Variants in PCNT observed in about 807,000 individuals in gnomAD.
PCNT encodes the protein kendrin.
A neutral mutation model predicts 380.4 loss-of-function variants in PCNT; 319 were observed. The observed-to-expected ratio is 0.84, with a 90% CI of 0.77 to 0.92. PCNT has a LOEUF of 0.92. Among genes scored for constraint, PCNT ranks in the 40% least tolerant of loss-of-function variants. The probability of loss-of-function intolerance (pLI) is 0.00; values close to 1 mark genes in which losing one functional copy is unlikely to be tolerated. For missense variants in PCNT, 4,400 were observed against 4,255.3 expected (o/e 1.03, Z -0.95); for synonymous variants, 1,845 against 1,735.2 (o/e 1.06, Z -1.57).
At chr21:46,436,274 C>T (rs187157605) in intron 39 of PCNT, 126 bp downstream of exon 39, 3 of 1,104,228 alleles carry the variant, frequency 2.7e-6, no homozygotes, top group East Asian at 2.6e-5. Context: ...CGCTCTAGTC[C>T]TCTTTCTGAG....
intron 15 of PCNT, among the ~76,000 whole-genome samples, chr21:46,380,145 A>ATTTT (rs552854585): frequency 2.2e-4 from 13 of 59,714 alleles, no homozygotes; most frequent in South Asian, 7.9e-4. Flanking sequence ...CCTGGGGTAG[A>ATTTT]TTTTTTTTTT....
intron 10 of PCNT, among the ~76,000 whole-genome samples, chr21:46,353,718 GT>G (rs2084362823): frequency 7.5e-5 from 5 of 67,000 alleles, no homozygotes; most frequent in South Asian, 5.2e-4. Context: ...TCCTCCAGGT[GT>G]GTGTGTGTGT....
At chr21:46,338,931 C>G (rs772926374) in intron 3 of PCNT, among the ~76,000 whole-genome samples, 4 of 152,190 alleles carry the variant, frequency 2.6e-5, no homozygotes, top group African/African-American at 4.8e-5. Flanking sequence ...CAGGTGCATG[C>G]CACTATCACT....
At position 46,391,315 on chromosome 21, in the gene PCNT, G is replaced by A. The variant is rs765704637; in HGVS notation, c.4155G>A (p.Glu1385=). The A allele has an allele frequency of 1.3e-6, 2 of 1,565,618 alleles. No individual in the cohort carries two copies. The highest frequency in any genetic ancestry group is 1.7e-6 in the Non-Finnish European group (2 of 1,155,104). The part of the protein sequence containing the change: ...AAQEQAALRE[E]CTRLWSRGEA... ...AGGAGCAGGCGGCGCTGAGGGAGGA[G>A]TGCACCCGTCTGTGGAGTCGGGGGG... is the stretch of plus-strand genomic sequence containing the variant. Residue 1385 remains glutamate, a synonymous_variant, in exon 21 of 47, where the codon GAG becomes GAA. Coordinates refer to ENST00000359568, the MANE Select transcript of PCNT (RefSeq NM_006031.6).
At chr21:46,369,412 C>T in intron 15 of PCNT, among the ~76,000 whole-genome samples, 1 of 152,208 alleles carries the variant, frequency 6.6e-6, no homozygotes, top group Non-Finnish European at 1.5e-5. Flanking sequence ...GCCATGTTGT[C>T]TTTCTGGACA....
intron 25 of PCNT, among the ~76,000 whole-genome samples, chr21:46,400,771 T>C (rs556655598): frequency 6.6e-6 from 1 of 152,266 alleles, no homozygotes; most frequent in South Asian, 2.1e-4. Flanking sequence ...CTGCCCGCCT[T>C]GGCCTCTCAA....
rs755059435 is a variant in PCNT at position 46,326,551 on chromosome 21, G to C, written c.229G>C (p.Asp77His). 1 of 1,614,116 alleles carries C rather than the reference G, an allele frequency of 6.2e-7. No individual in the cohort carries two copies. Among genetic ancestry groups the C allele is most frequent in the East Asian group, 2.2e-5 (1 of 44,884 alleles). ...CATTTGCAAAAGCACATCATGTGAC[G>C]ACACCCCTGATGGGGCAGGAGGGGC... ...GDICKSTSCD[D>H]TPDGAGGAFA... Residue 77 changes from aspartate to histidine, a missense_variant, in exon 2 of 47, where the codon GAC (aspartate) becomes CAC (histidine). Asp to His is a moderately conservative substitution (Grantham distance 81). Coordinates refer to ENST00000359568, the MANE Select transcript of PCNT (RefSeq NM_006031.6).
chr21:46,346,443 G>T (rs2084070214), intron 4 of PCNT, among the ~76,000 whole-genome samples: 1 of 152,154 alleles, frequency 6.6e-6, no homozygotes, highest in African/African-American at 2.4e-5. Context: ...CTGACCTCAG[G>T]CCGGTTGCTC....
intron 1 of PCNT, chr21:46,325,259 A>G (rs985008736): frequency 1.1e-6 from 1 of 948,904 alleles, no homozygotes; most frequent in Non-Finnish European, 1.3e-6. Context: ...GCTGGGGAAG[A>G]GCGGGGCTCC....
chr21:46,347,785 C>G (rs1197653823), intron 6 of PCNT, among the ~76,000 whole-genome samples: 1 of 152,206 alleles, frequency 6.6e-6, no homozygotes, highest in Non-Finnish European at 1.5e-5. Context: ...CATGGCCTGC[C>G]CCTGAGCTGT....
chr21:46,388,785 G>C lies in PCNT; in HGVS notation c.3508G>C (p.Gly1170Arg), dbSNP rs748823174. 1.2e-6 allele frequency: 2 copies of C among 1,613,846 alleles called. No individual in the cohort carries two copies. Among genetic ancestry groups the C allele is most frequent in the East Asian group, 4.5e-5 (2 of 44,876 alleles). Residue 1170 changes from glycine (G) to arginine (R), a missense_variant, in exon 18 of 47, where the codon GGA becomes CGA. Transcript: ENST00000359568. This position sits in a 1 kb window ranked among gnomAD's most constrained non-coding sequence, Gnocchi z 4.2. ...DALRRLLGLF[G>R]ETLRAAVTLR... Reference sequence around the variant, plus strand: ...CCTGCGCAGGCTGCTGGGTTTGTTTGGAGAGACGCTGAGGGCAGCCGTCAC... The same window carrying C: ...CCTGCGCAGGCTGCTGGGTTTGTTTCGAGAGACGCTGAGGGCAGCCGTCAC...
intron 30 of PCNT, among the ~76,000 whole-genome samples, chr21:46,417,452 A>G (rs1018859360): frequency 6.6e-6 from 1 of 151,996 alleles, no homozygotes; most frequent in Admixed American, 6.6e-5. Context: ...TCAGCCTCCC[A>G]AAGTGCTGGG....
chr21:46,325,185 C>T, intron 1 of PCNT: 1 of 985,740 alleles, frequency 1.0e-6, no homozygotes, highest in Admixed American at 6.1e-5. Context: ...GAGGCGGAAC[C>T]GCGGGAGCAG....
At chr21:46,424,769 T>A (rs1173818043) in intron 32 of PCNT, among the ~76,000 whole-genome samples, 1 of 94,060 alleles carries the variant, frequency 1.1e-5, no homozygotes, top group Non-Finnish European at 2.1e-5. Flanking sequence ...TCTCCGCTCC[T>A]CCCCGCACCA....
In PCNT at chr21:46,414,117, G is replaced by A. The variant is rs191012270; in HGVS notation, c.6150+1125G>A. Among the ~76,000 whole-genome samples, 873 of 151,902 alleles carry A rather than the reference G, an allele frequency of 5.7e-3. 3 individuals are homozygous for A. Among genetic ancestry groups the A allele is most frequent in the African/African-American group, 0.02 (825 of 41,406 alleles). ...AGTGATTCTGCAGCCTCAGCCTCCCGAGTAGCTGGGACTGCAGGCATGCGC... is the reference window on the plus strand; with the variant it reads ...AGTGATTCTGCAGCCTCAGCCTCCCAAGTAGCTGGGACTGCAGGCATGCGC... On this transcript the variant is annotated intron_variant, in intron 29 of 46. Transcript: ENST00000359568.
intron 2 of PCNT, among the ~76,000 whole-genome samples, chr21:46,331,527 A>G (rs2083560802): frequency 6.6e-6 from 1 of 152,234 alleles, no homozygotes; most frequent in Non-Finnish European, 1.5e-5. Context: ...GAAATGGCAG[A>G]AAGCAAGGTC....
At position 46,419,549 on chromosome 21, in the gene PCNT, G is replaced by C. The variant is rs576606785; in HGVS notation, c.7024+1243G>C. Reference sequence around the variant, plus strand: ...TTTGCCCTTAAAGGACGCGCCCCGTGTTCCAGCAGAGCCGCTGGGAGCGTG... The same window carrying C: ...TTTGCCCTTAAAGGACGCGCCCCGTCTTCCAGCAGAGCCGCTGGGAGCGTG... On this transcript the variant is annotated intron_variant, in intron 31 of 46. Coordinates refer to ENST00000359568, the MANE Select transcript of PCNT (RefSeq NM_006031.6). 6.6e-5 allele frequency among the ~76,000 whole-genome samples: 10 copies of C among 152,358 alleles called. No homozygotes were observed. In the South Asian group the frequency reaches 2.1e-3, roughly 32 times the overall value.
At chr21:46,361,213 T>C (rs1658777268) in intron 13 of PCNT, among the ~76,000 whole-genome samples, 1 of 151,996 alleles carries the variant, frequency 6.6e-6, no homozygotes, top group South Asian at 2.1e-4. Context: ...GGGGAAACCC[T>C]GTCTTTACTA....
In PCNT at chr21:46,411,888, CG is replaced by C; in HGVS notation, c.5817del (p.Phe1940SerfsTer2). On this transcript the variant is annotated frameshift_variant, in exon 28 of 47. Transcript: ENST00000359568. LOFTEE classifies it high-confidence loss of function. ...LSRQLQVLHQ[R>X]FLRCQVELDR... ...CCGCCAGCTGCAGGTGCTGCACCAG[CG>C]GTTCCTGAGGTGCCAGGTGGAGCTG... 6.3e-7 allele frequency: 1 copy of C among 1,575,858 alleles called. No individual in the cohort carries two copies. Among genetic ancestry groups the C allele is most frequent in the Non-Finnish European group, 8.6e-7 (1 of 1,168,594 alleles).
Sources: allele counts gnomAD v4.1 joint callset (sites outside exome capture counted in the v4.1 genomes callset), GRCh38; gene constraint gnomAD v4.1.1; non-coding constraint Gnocchi (gnomAD v3.1); transcripts MANE v1.5; gene names NCBI Gene and HGNC (gene_info 2026-07-23, HGNC 2026-07-21).